HSP90AA1: variants seen among roughly 807,000 people sequenced by gnomAD.
HSP90AA1 encodes heat shock protein 90 alpha family class A member 1, also known as heat shock protein HSP 90-alpha.
HSP90AA1 carries 18 observed loss-of-function variants against 73.3 expected under a neutral mutation model. The observed-to-expected ratio is 0.25, with a 90% CI of 0.17 to 0.36. The LOEUF (loss-of-function observed/expected upper bound fraction) is 0.36, where lower values mean the gene tolerates loss of function less well. HSP90AA1 is among the 10% of genes least tolerant of loss of function. The pLI, the probability that HSP90AA1 is intolerant of heterozygous loss-of-function variation, is 1.00. For missense variants in HSP90AA1, 704 were observed against 874.2 expected, an observed-to-expected ratio of 0.81 and a Z score of 2.45; for synonymous variants, 477 against 296.9, an observed-to-expected ratio of 1.61 and a Z score of -6.24.
intron 1 of HSP90AA1, among the ~76,000 whole-genome samples, chr14:102,135,445 T>G (rs1401767662): frequency 6.6e-6 from 1 of 152,298 alleles, no homozygotes; most frequent in Non-Finnish European, 1.5e-5. Flanking sequence ...CCCAGCTGCC[T>G]TCACCTAGTG....
At chr14:102,131,339 T>C (rs74083750) in intron 1 of HSP90AA1, among the ~76,000 whole-genome samples, 2,698 of 152,242 alleles carry the variant, frequency 0.018, 85 homozygotes, top group African/African-American at 0.062. Context: ...ACCTTCAGAG[T>C]ATATGTAGGA....
rs1261439921 is a variant in HSP90AA1 at position 102,081,492 on chromosome 14, A to G, written c.*220T>C. ...GTGCACGTTACCCCAATCTGTGAAA[A>G]TAAACCAACATGAAACTCAAAAAGC... On this transcript the variant is annotated 3_prime_UTR_variant, in exon 11 of 11. Transcript: ENST00000216281. 1.7e-6 allele frequency: 1 copy of G among 593,030 alleles called. No individual in the cohort carries two copies. The highest frequency in any genetic ancestry group is 3.0e-6 in the Non-Finnish European group (1 of 333,966). The allele number at this position is 593,030 out of a possible 1,614,324, so 36.7% of individuals were successfully genotyped here. A position where few individuals can be genotyped will look rare whatever the true frequency, so the allele number is the denominator to read the frequency against.
At chr14:102,134,301 C>T (rs1382412137) in intron 1 of HSP90AA1, among the ~76,000 whole-genome samples, 4 of 117,904 alleles carry the variant, frequency 3.4e-5, no homozygotes, top group East Asian at 2.7e-4. Flanking sequence ...CAAACCTGGG[C>T]GACAGAGCAA....
At chr14:102,103,221 A>AT (rs1244776166) in intron 1 of HSP90AA1, among the ~76,000 whole-genome samples, 2,352 of 100,988 alleles carry the variant, frequency 0.023, 78 homozygotes, top group African/African-American at 0.057. Flanking sequence ...GTGGGAGTTG[A>AT]TTTTTTTTTT....
intron 1 of HSP90AA1, among the ~76,000 whole-genome samples, chr14:102,114,006 C>T (rs557518031): frequency 7.9e-5 from 12 of 151,604 alleles, no homozygotes; most frequent in South Asian, 4.2e-4. Flanking sequence ...CACTGCACCC[C>T]GCCCCCATTT....
Position 102,115,704 on chromosome 14 carries a change from C to T in HSP90AA1, c.156-13619G>A, listed in dbSNP as rs150615290. Among the ~76,000 whole-genome samples the T allele has an allele frequency of 6.3e-3, 963 of 151,930 alleles. 11 individuals carry two copies. Among genetic ancestry groups the T allele is most frequent in the African/African-American group, 0.022 (902 of 41,436 alleles). On this transcript the variant is annotated intron_variant, in intron 1 of 11. Transcript: ENST00000334701. ...AGGCTGCAGTGAGCCATGATTGTGA[C>T]CCTCCACTCCAGCCTGGGTGACAGA...
At chr14:102,131,686 C>T (rs2049908557) in intron 1 of HSP90AA1, among the ~76,000 whole-genome samples, 2 of 152,196 alleles carry the variant, frequency 1.3e-5, no homozygotes, top group Non-Finnish European at 2.9e-5. Flanking sequence ...ATGTCACTGT[C>T]TCAAAGAGCC....
rs761906547 is a variant in HSP90AA1, at chr14:102,085,278, G to A, written c.663+20C>T. ...TCACCTACAGACAGAAATTCACTCT[G>A]CAATTACATAAAAACTTACAAAAAG... On this transcript the variant is annotated intron_variant, in intron 4 of 10. Coordinates refer to ENST00000216281, the MANE Select transcript of HSP90AA1 (RefSeq NM_005348.4). The A allele has an allele frequency of 8.7e-6, 14 of 1,606,434 alleles. No homozygotes were observed. The South Asian group carries it at 1.2e-4, about 14-fold the overall frequency.
intron 6 of HSP90AA1, 65 bp from the exon 7 acceptor site, chr14:102,084,048 C>T (rs1210397842): frequency 8.2e-6 from 10 of 1,218,810 alleles, no homozygotes; most frequent in Non-Finnish European, 1.2e-5. Flanking sequence ...TATGTAAACT[C>T]CCAAAATCAA....
chr14:102,081,588 T>TA lies in HSP90AA1; in HGVS notation c.*123dup. ...GTAGACAGAAATCTTATCTTCCCCT[T>TA]AAAGTAGTTGTCATGCCATACAGAC... On this transcript the variant is annotated 3_prime_UTR_variant, in exon 11 of 11. Transcript: ENST00000216281. 1 of 697,900 alleles carries TA rather than the reference T, an allele frequency of 1.4e-6. No individual in the cohort carries two copies. The highest frequency in any genetic ancestry group is 2.6e-6 in the Non-Finnish European group (1 of 379,328). The allele number at this position is 697,900 out of a possible 1,614,324, so 43.2% of individuals were successfully genotyped here.
chr14:102,081,894 C>T, intron 10 of HSP90AA1, 73 bp from the exon 11 acceptor site: 3 of 830,914 alleles, frequency 3.6e-6, no homozygotes, highest in South Asian at 1.3e-5. Context: ...CTCTTGGTTT[C>T]TATCTGCTTT....
At chr14:102,102,362 C>T (rs1790831950) in intron 1 of HSP90AA1, among the ~76,000 whole-genome samples, 2 of 152,218 alleles carry the variant, frequency 1.3e-5, no homozygotes, top group Admixed American at 6.5e-5. Context: ...TGGCCAGGTG[C>T]TCTTGGACTG....
chr14:102,096,476 T>G (rs1327189632), intron 2 of HSP90AA1, among the ~76,000 whole-genome samples: 1 of 152,214 alleles, frequency 6.6e-6, no homozygotes, highest in African/African-American at 2.4e-5. Flanking sequence ...CATGCTGGGT[T>G]GTTCTCCAAA....
Position 102,080,920 on chromosome 14 carries a change from G to A in HSP90AA1, c.*792C>T, listed in dbSNP as rs2049083820. 1.3e-5 allele frequency: 3 copies of A among 228,430 alleles called. No homozygotes were observed. The highest frequency in any genetic ancestry group is 6.7e-5 in the African/African-American group (3 of 45,014). The allele number at this position is 228,430 out of a possible 1,614,324, so 14.2% of individuals were successfully genotyped here. ...ACACCTGCTGAGTACATGCTGGGAAGACCATGTCAACCCTTGGAGCAGCTA... is the reference window on the plus strand; with the variant it reads ...ACACCTGCTGAGTACATGCTGGGAAAACCATGTCAACCCTTGGAGCAGCTA... On this transcript the variant is annotated 3_prime_UTR_variant, in exon 11 of 11. Coordinates refer to ENST00000216281, the MANE Select transcript of HSP90AA1 (RefSeq NM_005348.4).
chr14:102,082,706 C>T (rs552142493), intron 9 of HSP90AA1: 89 of 519,178 alleles, frequency 1.7e-4, no homozygotes, highest in African/African-American at 1.2e-3. Context: ...CTGCAACCTC[C>T]GCCTCCTGGG....
At position 102,086,390 on chromosome 14, in the gene HSP90AA1, C is replaced by A. The variant is rs756983624; in HGVS notation, c.1-12G>T. 2.5e-6 allele frequency: 4 copies of A among 1,614,176 alleles called. No individual in the cohort carries two copies. The highest frequency in any genetic ancestry group is 1.7e-5 in the Admixed American group (1 of 60,030). Reference sequence around the variant, plus strand: ...GTTTCCTCAGGCATCTGGAACGACACCGCGCCGGTTTAAAACCTTGCAGGA... The same window carrying A: ...GTTTCCTCAGGCATCTGGAACGACAACGCGCCGGTTTAAAACCTTGCAGGA... On this transcript the variant is annotated splice_polypyrimidine_tract_variant and intron_variant, in intron 1 of 10. Transcript: ENST00000216281.
At chr14:102,129,133 ATTTTTTTTT>A (rs71116884) in intron 1 of HSP90AA1, among the ~76,000 whole-genome samples, 3 of 94,396 alleles carry the variant, frequency 3.2e-5, no homozygotes, top group Non-Finnish European at 2.2e-5. Context: ...TCTAGTTTTG[ATTTTTTTTT>A]TTTTTTTTTT....
At chr14:102,133,261 C>T (rs1184486753) in intron 1 of HSP90AA1, among the ~76,000 whole-genome samples, 1 of 152,030 alleles carries the variant, frequency 6.6e-6, no homozygotes, top group Non-Finnish European at 1.5e-5. Context: ...GCCTGGGCAA[C>T]AAGAGCAAAA....
intron 1 of HSP90AA1, among the ~76,000 whole-genome samples, chr14:102,104,314 A>T (rs925868531): frequency 5.3e-5 from 8 of 152,044 alleles, no homozygotes; most frequent in Non-Finnish European, 1.0e-4. Flanking sequence ...GATGCAAGCG[A>T]TTCTCCTGCC....
Sources: allele counts gnomAD v4.1 joint callset (sites outside exome capture counted in the v4.1 genomes callset), GRCh38; gene constraint gnomAD v4.1.1; transcripts MANE v1.5; gene names NCBI Gene and HGNC (gene_info 2026-07-23, HGNC 2026-07-21).